Variants in G3BP1 observed in about 807,000 individuals in gnomAD.
G3BP1 encodes G3BP stress granule assembly factor 1, also known as ras GTPase-activating protein-binding protein 1.
In G3BP1, 35 loss-of-function variants were observed where a neutral mutation model predicts 58.6. That is an observed-to-expected ratio of 0.60 (90% CI 0.46 to 0.79). The LOEUF (loss-of-function observed/expected upper bound fraction) is 0.79, where lower values mean the gene tolerates loss of function less well. Among genes scored for constraint, G3BP1 ranks in the 30% least tolerant of loss-of-function variants. G3BP1 has a pLI of 0.00. For missense variants in G3BP1, 523 were observed against 580.8 expected, an observed-to-expected ratio of 0.90 and a Z score of 1.02; for synonymous variants, 191 against 195.4, an observed-to-expected ratio of 0.98 and a Z score of 0.19.
chr5:151,789,532 G>A (rs910571795), intron 2 of G3BP1, among the ~76,000 whole-genome samples: 2 of 152,180 alleles, frequency 1.3e-5, no homozygotes, highest in Non-Finnish European at 2.9e-5. Context: ...AATTGACTTT[G>A]ACATTCTTAA....
At chr5:151,773,712 C>A (rs1762318032) in intron 1 of G3BP1, among the ~76,000 whole-genome samples, 1 of 152,210 alleles carries the variant, frequency 6.6e-6, no homozygotes, top group Non-Finnish European at 1.5e-5. Flanking sequence ...GTAACATTTA[C>A]TTGGAACTTT....
chr5:151,812,502 A>C lies in G3BP1; in HGVS notation c.*8411A>C, dbSNP rs1262181321. 6.6e-6 allele frequency: 1 copy of C among 152,240 alleles called. No homozygotes were observed. Among genetic ancestry groups the C allele is most frequent in the Non-Finnish European group, 1.5e-5 (1 of 68,050 alleles). 9.4% of individuals were successfully genotyped at this position (152,240 alleles called of 1,614,324 possible). On this transcript the variant is annotated 3_prime_UTR_variant, in exon 12 of 12. Transcript: ENST00000356245. Reference sequence around the variant, plus strand: ...CAAAGGGTGCATCTTTTGTGCAAGTATCTAAGCGGGCAAAATGGGGAAAAC... The same window carrying C: ...CAAAGGGTGCATCTTTTGTGCAAGTCTCTAAGCGGGCAAAATGGGGAAAAC...
At chr5:151,778,510 C>T (rs772552216) in intron 1 of G3BP1, among the ~76,000 whole-genome samples, 1 of 152,090 alleles carries the variant, frequency 6.6e-6, no homozygotes, top group Non-Finnish European at 1.5e-5. Flanking sequence ...GGCGCCATCT[C>T]TGCTCACTAC....
chr5:151,787,808 T>C lies in G3BP1; in HGVS notation c.95+1093T>C, dbSNP rs1314497473. Reference sequence around the variant, plus strand: ...CATGATTATCAGGTATAAAATAAAATTTATGAATGTATTCAATATGAATAT... The same window carrying C: ...CATGATTATCAGGTATAAAATAAAACTTATGAATGTATTCAATATGAATAT... On this transcript the variant is annotated intron_variant, in intron 2 of 11. Transcript: ENST00000356245. The C allele has an allele frequency of 9.7e-6, 3 of 310,062 alleles. No individual in the cohort carries two copies. The East Asian group carries it at 3.1e-4, about 32-fold the overall frequency. The allele number at this position is 310,062 out of a possible 1,614,324, so 19.2% of individuals were successfully genotyped here. A position where few individuals can be genotyped will look rare whatever the true frequency, so the allele number is the denominator to read the frequency against.
intron 2 of G3BP1, among the ~76,000 whole-genome samples, chr5:151,788,096 T>C (rs1762581920): frequency 6.6e-6 from 1 of 152,106 alleles, no homozygotes; most frequent in South Asian, 2.1e-4. Flanking sequence ...GCTAATTTTT[T>C]GTAGAGACAG....
At chr5:151,796,933 G>A (rs1762762073) in intron 6 of G3BP1, among the ~76,000 whole-genome samples, 1 of 116,692 alleles carries the variant, frequency 8.6e-6, no homozygotes, top group African/African-American at 3.4e-5. Flanking sequence ...GATGTTGTAT[G>A]CTAAATGAAT....
Position 151,797,447 on chromosome 5 carries a change from T to C in G3BP1, c.741+19T>C. 1 of 1,585,508 alleles carries C rather than the reference T, an allele frequency of 6.3e-7. No individual in the cohort carries two copies. Among genetic ancestry groups the C allele is most frequent in the East Asian group, 2.2e-5 (1 of 44,612 alleles). ...CTTGAGGGTATGAAACGTGTCTTCA[T>C]TTTTATTCTATTCCTAGTTATTTTT... On this transcript the variant is annotated intron_variant, in intron 7 of 11. Transcript: ENST00000356245.
intron 7 of G3BP1, among the ~76,000 whole-genome samples, 155 bp downstream of exon 7, chr5:151,797,583 G>C (rs1262363759): frequency 2.0e-5 from 3 of 152,136 alleles, no homozygotes; most frequent in Non-Finnish European, 4.4e-5. Context: ...CCATATGTTT[G>C]ATAAGAGAGA....
intron 1 of G3BP1, among the ~76,000 whole-genome samples, chr5:151,783,786 G>C (rs1762512834): frequency 6.6e-6 from 1 of 151,272 alleles, no homozygotes; most frequent in Non-Finnish European, 1.5e-5. Flanking sequence ...TTCTGGAGAT[G>C]GAGTCACGCT....
chr5:151,788,576 G>GTA (rs2113230945), intron 2 of G3BP1, among the ~76,000 whole-genome samples: 2 of 140,176 alleles, frequency 1.4e-5, no homozygotes, highest in South Asian at 4.5e-4. Flanking sequence ...GTTTATATGT[G>GTA]TGTGTGTGTG....
At chr5:151,784,567 A>G (rs1396488293) in intron 1 of G3BP1, among the ~76,000 whole-genome samples, 1 of 152,192 alleles carries the variant, frequency 6.6e-6, no homozygotes, top group Non-Finnish European at 1.5e-5. Context: ...AAAAAACTTA[A>G]TATTTGGGAA....
intron 11 of G3BP1, among the ~76,000 whole-genome samples, chr5:151,803,419 C>T (rs1441176039): frequency 6.6e-6 from 1 of 152,010 alleles, no homozygotes; most frequent in Non-Finnish European, 1.5e-5. Context: ...GTCTGGGTGA[C>T]GAGTGAAACT....
intron 6 of G3BP1, 21 bp from the exon 7 acceptor site, chr5:151,797,206 T>G (rs368733404): frequency 6.2e-7 from 1 of 1,611,078 alleles, no homozygotes; most frequent in Non-Finnish European, 8.5e-7. Flanking sequence ...GAATGATATT[T>G]CTCAAATTTT....
intron 1 of G3BP1, among the ~76,000 whole-genome samples, chr5:151,784,761 C>G (rs1020625754): frequency 6.6e-6 from 1 of 152,074 alleles, no homozygotes; most frequent in African/African-American, 2.4e-5. Flanking sequence ...AGTACTGCTA[C>G]TGTTTCCCTT....
intron 1 of G3BP1, 141 bp downstream of exon 1, chr5:151,772,177 A>C (rs1225333126): frequency 7.4e-6 from 1 of 135,850 alleles, no homozygotes; most frequent in Non-Finnish European, 1.6e-5. Context: ...CAACGGCCGC[A>C]GGCGCGCGCG....
intron 2 of G3BP1, chr5:151,787,753 C>T (rs544110087): frequency 4.7e-5 from 14 of 294,988 alleles, no homozygotes; most frequent in Admixed American, 1.7e-4. Context: ...TTTTCCCTTA[C>T]ACCTTGACCA....
chr5:151,785,199 T>C (rs970723713), intron 1 of G3BP1, among the ~76,000 whole-genome samples: 24 of 152,228 alleles, frequency 1.6e-4, no homozygotes, highest in African/African-American at 5.8e-4. Context: ...AGATTGTTAC[T>C]GATATGCTCA....
At chr5:151,800,181 C>A in intron 9 of G3BP1, 37 bp from the exon 10 acceptor site, 1 of 1,603,556 alleles carries the variant, frequency 6.2e-7, no homozygotes, top group Non-Finnish European at 8.5e-7. Context: ...TGTCTTCTTT[C>A]TCTTGTCTTT....
intron 1 of G3BP1, among the ~76,000 whole-genome samples, chr5:151,782,500 C>T (rs1762485193): frequency 6.6e-6 from 1 of 152,138 alleles, no homozygotes; most frequent in Admixed American, 6.5e-5. Context: ...CTTTCTAGAT[C>T]TTACTGGTAT....
Sources: allele counts gnomAD v4.1 joint callset (sites outside exome capture counted in the v4.1 genomes callset), GRCh38; gene constraint gnomAD v4.1.1; transcripts MANE v1.5; gene names NCBI Gene and HGNC (gene_info 2026-07-23, HGNC 2026-07-21).